AKR1E2: variants seen among roughly 807,000 people sequenced by gnomAD.
AKR1E2 encodes the protein 1,5-anhydro-D-fructose reductase.
AKR1E2 carries 43 observed loss-of-function variants against 41.9 expected under a neutral mutation model. The ratio of observed to expected loss-of-function variants is 1.03; its 90% CI spans 0.80 to 1.32. The LOEUF is 1.32. Ranked by LOEUF, AKR1E2 falls within the 40% of genes most tolerant of loss-of-function variation. The pLI is 0.00. For synonymous variants in AKR1E2, 121 were observed against 138.9 expected (o/e 0.87, Z 0.91); for missense variants, 423 against 396.5 (o/e 1.07, Z -0.57).
intron 8 of AKR1E2, among the ~76,000 whole-genome samples, chr10:4,844,022 C>T (rs1021127232): frequency 3.9e-5 from 6 of 152,214 alleles, no homozygotes; most frequent in Admixed American, 1.3e-4. Flanking sequence ...GCTGACTGAC[C>T]GGCATCTGCT....
the AKR1E2 span, among the ~76,000 whole-genome samples, chr10:4,859,775 G>A: frequency 7.2e-5 from 11 of 152,334 alleles, no homozygotes; most frequent in East Asian, 7.7e-4. Context: ...AATGGCTTAC[G>A]TTACATGAGT....
At chr10:4,855,803 G>C in the AKR1E2 span, among the ~76,000 whole-genome samples, 1 of 152,144 alleles carries the variant, frequency 6.6e-6, no homozygotes, top group Non-Finnish European at 1.5e-5. Context: ...AATACATTTG[G>C]TCTAAATTAG....
intron 3 of AKR1E2, among the ~76,000 whole-genome samples, 192 bp downstream of exon 3, chr10:4,833,658 G>T (rs952151330): frequency 6.6e-6 from 1 of 152,152 alleles, no homozygotes; most frequent in Non-Finnish European, 1.5e-5. Flanking sequence ...GAGAGGCTTG[G>T]CTTGACCTCT....
intron 3 of AKR1E2, 106 bp downstream of exon 3, chr10:4,833,572 G>C: frequency 1.0e-6 from 1 of 952,674 alleles, no homozygotes; most frequent in South Asian, 1.5e-5. Context: ...CAGGGCAGGG[G>C]TTCCCAGGCT....
rs1443343170 is a variant in AKR1E2 at position 4,841,771 on chromosome 10, C to T, written c.681-14C>T. The T allele has an allele frequency of 6.2e-7, 1 of 1,605,196 alleles. No individual in the cohort carries two copies. The highest frequency in any genetic ancestry group is 8.5e-7 in the Non-Finnish European group (1 of 1,175,024). On this transcript the variant is annotated splice_polypyrimidine_tract_variant and intron_variant, in intron 6 of 9. Coordinates refer to ENST00000298375, the MANE Select transcript of AKR1E2 (RefSeq NM_001040177.3). ...GGATCTCCTGGCTCACTCCCCTGTA[C>T]TGTGTCTCTCTAGTGAGGGGGTTGA... is the stretch of plus-strand genomic sequence containing the variant.
At chr10:4,841,713 T>C (rs1833891321) in intron 6 of AKR1E2, 72 bp from the exon 7 acceptor site, 1 of 1,168,818 alleles carries the variant, frequency 8.6e-7, no homozygotes, top group Admixed American at 2.7e-5. Context: ...TGGACAAAGA[T>C]TTCTTCTTTC....
chr10:4,852,327 G>A (rs908434308), downstream of AKR1E2, among the ~76,000 whole-genome samples: 4 of 152,198 alleles, frequency 2.6e-5, no homozygotes, highest in African/African-American at 9.7e-5. Flanking sequence ...TTCTCAAAGA[G>A]CTGAAGAGCA....
At chr10:4,858,764 A>G in the AKR1E2 span, among the ~76,000 whole-genome samples, 2 of 151,960 alleles carry the variant, frequency 1.3e-5, no homozygotes, top group Non-Finnish European at 2.9e-5. Flanking sequence ...GTGGTGGAAG[A>G]TGAGGCTGAA....
At chr10:4,838,244 A>G (rs12572181) in intron 5 of AKR1E2, among the ~76,000 whole-genome samples, 5,308 of 152,338 alleles carry the variant, frequency 0.035, 149 homozygotes, top group East Asian at 0.11. Flanking sequence ...GCACAGCATC[A>G]TTCCCATTCC....
chr10:4,856,910 C>T, the AKR1E2 span, among the ~76,000 whole-genome samples: 1 of 142,094 alleles, frequency 7.0e-6, no homozygotes, highest in Non-Finnish European at 1.6e-5. Context: ...AGTACATTCA[C>T]ATTGTTGTGC....
Position 4,837,482 on chromosome 10 carries a change from C to T in AKR1E2, c.483C>T (p.Thr161=), listed in dbSNP as rs112771844. 1.8e-5 allele frequency: 29 copies of T among 1,614,012 alleles called. No homozygotes were observed. Among genetic ancestry groups the T allele is most frequent in the East Asian group, 4.5e-5 (2 of 44,898 alleles). The change falls in exon 5 of 10, where the codon ACC becomes ACT. Residue 161 remains threonine, a synonymous_variant. Coordinates refer to ENST00000298375, the MANE Select transcript of AKR1E2 (RefSeq NM_001040177.3). ...AGGCCATGGAGGACCTGGTGATCACCGGGCTGGTGAAGAACATCGGGGTGT... is the reference window on the plus strand; with the variant it reads ...AGGCCATGGAGGACCTGGTGATCACTGGGCTGGTGAAGAACATCGGGGTGT... ...TWEAMEDLVI[T]GLVKNIGVSN...
At chr10:4,837,164 C>G (rs1413805076) in intron 4 of AKR1E2, among the ~76,000 whole-genome samples, 2 of 152,202 alleles carry the variant, frequency 1.3e-5, no homozygotes, top group Non-Finnish European at 2.9e-5. Flanking sequence ...CTGACACTTC[C>G]TGTGATTCCA....
chr10:4,842,556 G>C, intron 8 of AKR1E2, 52 bp downstream of exon 8: 1 of 1,539,184 alleles, frequency 6.5e-7, no homozygotes, highest in Non-Finnish European at 9.0e-7. Context: ...GTGTTAGATG[G>C]GAAGGGATGA....
Position 4,835,671 on chromosome 10 carries a change from G to T in AKR1E2, c.325-4G>T, listed in dbSNP as rs575326393. 1 of 1,612,660 alleles carries T rather than the reference G, an allele frequency of 6.2e-7. No homozygotes were observed. The highest frequency in any genetic ancestry group is 8.5e-7 in the Non-Finnish European group (1 of 1,179,532). On this transcript the variant is annotated splice_region_variant and splice_polypyrimidine_tract_variant and intron_variant, in intron 3 of 9. Transcript: ENST00000298375. ...TCACACATCTCAACTCTCCTTCTTCGCAGCCTCCTCATCCAGAATGGATCA... is the reference window on the plus strand; with the variant it reads ...TCACACATCTCAACTCTCCTTCTTCTCAGCCTCCTCATCCAGAATGGATCA...
At chr10:4,857,872 T>C in the AKR1E2 span, among the ~76,000 whole-genome samples, 1 of 152,166 alleles carries the variant, frequency 6.6e-6, no homozygotes, top group Non-Finnish European at 1.5e-5. Context: ...TATCATTTTT[T>C]AATTTTCTTA....
intron 2 of AKR1E2, among the ~76,000 whole-genome samples, chr10:4,831,908 G>C: frequency 6.6e-6 from 1 of 152,194 alleles, no homozygotes; most frequent in East Asian, 1.9e-4. Context: ...AAAGAAGCTT[G>C]CATTTGAGGC....
intron 6 of AKR1E2, among the ~76,000 whole-genome samples, chr10:4,841,195 C>A (rs12571940): frequency 6.6e-6 from 1 of 152,086 alleles, no homozygotes; most frequent in Non-Finnish European, 1.5e-5. Flanking sequence ...GAGGACGATA[C>A]TAGCACAATG....
intron 1 of AKR1E2, among the ~76,000 whole-genome samples, chr10:4,830,098 G>T (rs1832853530): frequency 6.6e-6 from 1 of 152,170 alleles, no homozygotes; most frequent in Admixed American, 6.5e-5. Flanking sequence ...TAAAGCCCTT[G>T]TCAGTCTTCA....
chr10:4,846,498 T>A lies in AKR1E2; in HGVS notation c.838-650T>A, dbSNP rs369017045. The stretch of plus-strand genomic sequence containing the variant: ...GGCAGGTGTATGGAACAAATTGTTT[T>A]GTTGGGGTTTTGAGGGGTAGCAGAG... On this transcript the variant is annotated intron_variant, in intron 8 of 9. Transcript: ENST00000298375. Among the ~76,000 whole-genome samples, 281 of 152,112 alleles carry A rather than the reference T, an allele frequency of 1.8e-3. 1 individual carries two copies. The highest frequency in any genetic ancestry group is 3.1e-3 in the Non-Finnish European group (214 of 68,010).
Sources: gnomAD v4.1 joint callset for allele counts (sites outside exome capture counted in the v4.1 genomes callset) on GRCh38, gnomAD v4.1.1 for gene constraint, MANE v1.5 for transcripts, NCBI Gene and HGNC (gene_info 2026-07-23, HGNC 2026-07-21) for gene names.